DPP6: variants seen among roughly 807,000 people sequenced by gnomAD.
The protein encoded by DPP6 is dipeptidyl peptidase like 6.
Under a neutral mutation model 122.6 loss-of-function variants are expected in DPP6, and 69 were observed. That is an observed-to-expected ratio of 0.56 (90% CI 0.46 to 0.69). DPP6 has a LOEUF of 0.69. DPP6 is among the 30% of genes least tolerant of loss of function. DPP6 has a pLI of 0.00. For missense variants in DPP6, 928 were observed against 1,116.9 expected (o/e 0.83, Z 2.41); for synonymous variants, 418 against 433.1 (o/e 0.97, Z 0.43).
intron 1 of DPP6, among the ~76,000 whole-genome samples, chr7:154,160,465 A>G (rs1178217404): frequency 1.3e-5 from 2 of 152,250 alleles, no homozygotes; most frequent in African/African-American, 2.4e-5. Context: ...AATGGGCAGG[A>G]TGAGCAGGAA....
intron 1 of DPP6, among the ~76,000 whole-genome samples, chr7:153,916,467 A>C (rs528350982): frequency 2.6e-3 from 378 of 144,736 alleles, no homozygotes; most frequent in South Asian, 5.7e-3. Context: ...ACTGGAGTGC[A>C]GTGGCACGAT....
chr7:154,340,094 G>A (rs1022487079), intron 1 of DPP6, among the ~76,000 whole-genome samples: 4 of 152,034 alleles, frequency 2.6e-5, no homozygotes, highest in African/African-American at 9.7e-5. Context: ...AAAAATTAAT[G>A]TGGTTGACCA....
intron 1 of DPP6, among the ~76,000 whole-genome samples, chr7:154,307,851 G>T (rs1446388294): frequency 6.6e-6 from 1 of 151,390 alleles, no homozygotes; most frequent in African/African-American, 2.4e-5. Flanking sequence ...GACCAGGAAA[G>T]AGGAATATGT....
chr7:154,739,422 C>G, intron 8 of DPP6, among the ~76,000 whole-genome samples: 1 of 152,108 alleles, frequency 6.6e-6, no homozygotes, highest in South Asian at 2.1e-4. Flanking sequence ...TGAGGGGACG[C>G]CAGGGGTCCA....
intron 1 of DPP6, among the ~76,000 whole-genome samples, chr7:154,140,384 A>G (rs1795785670): frequency 6.6e-6 from 1 of 152,200 alleles, no homozygotes; most frequent in Non-Finnish European, 1.5e-5. Flanking sequence ...CATGGGTAAC[A>G]CTTCACTATA....
intron 1 of DPP6, among the ~76,000 whole-genome samples, chr7:154,270,703 A>G (rs1232288509): frequency 6.6e-6 from 1 of 152,164 alleles, no homozygotes; most frequent in African/African-American, 2.4e-5. Flanking sequence ...GTCACTTATT[A>G]CCAGACTCAA....
intron 1 of DPP6, among the ~76,000 whole-genome samples, chr7:154,308,482 T>C (rs1307741739): frequency 6.6e-6 from 1 of 152,206 alleles, no homozygotes; most frequent in Non-Finnish European, 1.5e-5. Flanking sequence ...AACCCAGAGA[T>C]GTTTGGAAGC....
intron 18 of DPP6, among the ~76,000 whole-genome samples, chr7:154,870,932 C>T (rs1244459765): frequency 7.0e-6 from 1 of 142,098 alleles, no homozygotes. Context: ...TACTGTACTC[C>T]AGCATGGGTG....
the DPP6 span, among the ~76,000 whole-genome samples, chr7:153,810,126 T>G: frequency 6.6e-6 from 1 of 152,278 alleles, no homozygotes; most frequent in Admixed American, 6.5e-5. Context: ...AAAGCGAGTT[T>G]GCATGACATA....
At chr7:154,829,612 G>A (rs1800469350) in intron 16 of DPP6, among the ~76,000 whole-genome samples, 1 of 152,174 alleles carries the variant, frequency 6.6e-6, no homozygotes, top group South Asian at 2.1e-4. Flanking sequence ...GTCAGTGCAA[G>A]AGTAATATCG....
chr7:154,032,381 A>C (rs890668093), intron 1 of DPP6, among the ~76,000 whole-genome samples: 5 of 152,164 alleles, frequency 3.3e-5, no homozygotes, highest in African/African-American at 1.2e-4. Context: ...AAATTAGCTT[A>C]GAGAGGTAGC....
intron 1 of DPP6, among the ~76,000 whole-genome samples, chr7:154,127,981 C>T (rs1320198299): frequency 1.3e-5 from 2 of 149,466 alleles, no homozygotes; most frequent in African/African-American, 4.9e-5. Context: ...TGTGCCTGAG[C>T]GAATGGGACT....
At chr7:154,195,296 C>A (rs1308287297) in intron 1 of DPP6, among the ~76,000 whole-genome samples, 4 of 152,110 alleles carry the variant, frequency 2.6e-5, no homozygotes, top group Non-Finnish European at 5.9e-5. Flanking sequence ...ACTTGCAAAG[C>A]CACACTTCCA....
upstream of DPP6, among the ~76,000 whole-genome samples, chr7:153,885,110 T>TTGG (rs1554481047): frequency 1.3e-4 from 3 of 22,246 alleles, no homozygotes; most frequent in Non-Finnish European, 3.0e-4. Context: ...AGGCCCATGC[T>TTGG]TGGTGGGAAA....
At chr7:154,741,205 T>A (rs1403575525) in intron 8 of DPP6, among the ~76,000 whole-genome samples, 1 of 152,200 alleles carries the variant, frequency 6.6e-6, no homozygotes, top group Non-Finnish European at 1.5e-5. Context: ...GTCTGGGTTA[T>A]CTGAAGTGAT....
chr7:154,678,884 A>G (rs542724221), intron 7 of DPP6, among the ~76,000 whole-genome samples: 1 of 152,322 alleles, frequency 6.6e-6, no homozygotes, highest in South Asian at 2.1e-4. Flanking sequence ...TGTAGGGCTC[A>G]TGGTGGAGAG....
intron 1 of DPP6, among the ~76,000 whole-genome samples, chr7:153,999,950 A>AC (rs1797611938): frequency 6.6e-6 from 1 of 151,312 alleles, no homozygotes; most frequent in African/African-American, 2.4e-5. Context: ...ACAAAGTGAG[A>AC]CCCCCATCTC....
chr7:154,198,323 T>TATC (rs1798979458), intron 1 of DPP6, among the ~76,000 whole-genome samples: 1 of 151,964 alleles, frequency 6.6e-6, no homozygotes, highest in Non-Finnish European at 1.5e-5. Flanking sequence ...ATTATTATTT[T>TATC]TTTTTTGAGA....
At chr7:154,672,606 A>G (rs1002806477) in intron 7 of DPP6, among the ~76,000 whole-genome samples, 4 of 152,240 alleles carry the variant, frequency 2.6e-5, no homozygotes, top group African/African-American at 7.2e-5. Flanking sequence ...ATGAATGTTC[A>G]GGTAAGTAAT....
Sources: gnomAD v4.1 joint callset for allele counts (sites outside exome capture counted in the v4.1 genomes callset) on GRCh38, gnomAD v4.1.1 for gene constraint, MANE v1.5 for transcripts, NCBI Gene and HGNC (gene_info 2026-07-23, HGNC 2026-07-21) for gene names.